The following THSD7B variants were observed in gnomAD, a reference collection of about 807,000 sequenced individuals.
THSD7B encodes the protein thrombospondin type 1 domain containing 7B, also known as thrombospondin type-1 domain-containing protein 7B.
A neutral mutation model predicts 213.6 loss-of-function variants in THSD7B; 138 were observed. The observed-to-expected ratio is 0.65, with a 90% CI of 0.56 to 0.74. The LOEUF is 0.74. Ranked by LOEUF, THSD7B falls within the 30% of genes least tolerant of loss-of-function variation. The pLI is 0.00. For synonymous variants in THSD7B, 742 were observed against 687.0 expected, an observed-to-expected ratio of 1.08 and a Z score of -1.25; for missense variants, 1,931 against 1,991.5, an observed-to-expected ratio of 0.97 and a Z score of 0.58.
At chr2:137,272,445 C>G (rs1573925454) in intron 10 of THSD7B, 88 bp from the exon 11 acceptor site, 1 of 1,355,124 alleles carries the variant, frequency 7.4e-7, no homozygotes, top group Non-Finnish European at 9.8e-7. Context: ...TACTTTATCT[C>G]TCTCTCTTTT....
At chr2:137,373,279 T>C (rs1030994150) in intron 12 of THSD7B, among the ~76,000 whole-genome samples, 1 of 152,196 alleles carries the variant, frequency 6.6e-6, no homozygotes, top group Non-Finnish European at 1.5e-5. Flanking sequence ...CCACACTGAC[T>C]TCCACAATGG....
chr2:137,229,203 G>T lies in THSD7B; in HGVS notation c.1724-1841G>T, dbSNP rs140526300. Among the ~76,000 whole-genome samples, 541 of 152,250 alleles carry T rather than the reference G, an allele frequency of 3.6e-3. 8 individuals are homozygous for T. The highest frequency in any genetic ancestry group is 0.012 in the African/African-American group (512 of 41,548). On this transcript the variant is annotated intron_variant, in intron 7 of 27. Coordinates refer to ENST00000409968, the MANE Select transcript of THSD7B (RefSeq NM_001316349.2). ...CCTACAAATATCTTGTTCCTCAAAA[G>T]GTTTATTGCAAGACATAGCTTTAAA... is the stretch of plus-strand genomic sequence containing the variant.
intron 12 of THSD7B, among the ~76,000 whole-genome samples, chr2:137,304,674 G>T (rs1683702487): frequency 6.6e-6 from 1 of 151,924 alleles, no homozygotes. Context: ...AGAAAACTCT[G>T]TTCTATTAAT....
rs1028515917 is a variant in THSD7B, at chr2:137,090,479, A to G, written c.951-4394A>G. ...GTAGTTTACCGCTGATTTTTATTTT[A>G]TAAGAGCTTCTGCCCATATTTGTAA... On this transcript the variant is annotated intron_variant, in intron 3 of 27. Transcript: ENST00000409968. 9.2e-5 allele frequency among the ~76,000 whole-genome samples: 14 copies of G among 152,290 alleles called. 1 individual carries two copies. In the South Asian group the frequency reaches 2.9e-3, roughly 32 times the overall value.
chr2:137,516,581 A>G (rs536277608), intron 15 of THSD7B, among the ~76,000 whole-genome samples: 20 of 152,320 alleles, frequency 1.3e-4, no homozygotes, highest in Non-Finnish European at 2.5e-4. Context: ...GTGGTTCTCC[A>G]GTTAAAGTAG....
At chr2:136,881,258 C>G (rs932609643) in intron 1 of THSD7B, among the ~76,000 whole-genome samples, 1 of 152,106 alleles carries the variant, frequency 6.6e-6, no homozygotes, top group African/African-American at 2.4e-5. Flanking sequence ...CATCCCTTGC[C>G]CTGCTTTGGA....
intron 5 of THSD7B, among the ~76,000 whole-genome samples, chr2:137,135,270 CT>C (rs1002443559): frequency 1.3e-5 from 2 of 152,154 alleles, no homozygotes; most frequent in South Asian, 4.1e-4. Context: ...TCTTAGCTTT[CT>C]TTAGCATTTA....
intron 14 of THSD7B, among the ~76,000 whole-genome samples, chr2:137,448,159 G>A (rs1216947148): frequency 6.6e-6 from 1 of 152,234 alleles, no homozygotes; most frequent in African/African-American, 2.4e-5. Context: ...TGAAGATAGA[G>A]TACTTATTAA....
intron 14 of THSD7B, 35 bp downstream of exon 14, chr2:137,411,907 A>C (rs1361832406): frequency 6.2e-7 from 1 of 1,607,216 alleles, no homozygotes; most frequent in Admixed American, 1.7e-5. Flanking sequence ...AGATGAGAAC[A>C]CTCACACACA....
intron 7 of THSD7B, among the ~76,000 whole-genome samples, chr2:137,228,366 A>G (rs1349756018): frequency 6.6e-6 from 1 of 152,168 alleles, no homozygotes; most frequent in Non-Finnish European, 1.5e-5. Flanking sequence ...CTGAGATTTT[A>G]AAAAGTATTT....
At chr2:137,237,134 A>G (rs1000370143) in intron 9 of THSD7B, among the ~76,000 whole-genome samples, 2 of 147,808 alleles carry the variant, frequency 1.4e-5, no homozygotes, top group African/African-American at 2.5e-5. Flanking sequence ...AAAAAAAAAA[A>G]GCTGAAGCCT....
At chr2:137,358,824 A>T (rs1456151201) in intron 12 of THSD7B, among the ~76,000 whole-genome samples, 1 of 152,156 alleles carries the variant, frequency 6.6e-6, no homozygotes, top group Admixed American at 6.5e-5. Flanking sequence ...CCATGGCTTT[A>T]GTAGCTCTAC....
intron 5 of THSD7B, among the ~76,000 whole-genome samples, chr2:137,144,577 T>C (rs1384647779): frequency 6.6e-6 from 1 of 152,034 alleles, no homozygotes; most frequent in Non-Finnish European, 1.5e-5. Flanking sequence ...AGGCCTTTCA[T>C]TGTAGGTAGA....
Position 136,945,267 on chromosome 2 carries a change from T to C in THSD7B, c.139+62950T>C, listed in dbSNP as rs117033554. 1.2e-3 allele frequency among the ~76,000 whole-genome samples: 189 copies of C among 152,316 alleles called. 2 individuals are homozygous for C. The East Asian group carries it at 0.03, about 24-fold the overall frequency. ...AGACCCTTTCTTCCACTTGATGGAATTGGCTATTGAAGCTTGTGCATGTGT... is the reference window on the plus strand; with the variant it reads ...AGACCCTTTCTTCCACTTGATGGAACTGGCTATTGAAGCTTGTGCATGTGT... On this transcript the variant is annotated intron_variant, in intron 2 of 27. Transcript: ENST00000409968.
chr2:137,532,179 A>T (rs192553733), intron 15 of THSD7B, among the ~76,000 whole-genome samples: 165 of 152,094 alleles, frequency 1.1e-3, no homozygotes, highest in Admixed American at 7.0e-3. Context: ...CAATTACTTT[A>T]GGACAATTCT....
intron 7 of THSD7B, among the ~76,000 whole-genome samples, chr2:137,183,806 T>G (rs373709045): frequency 2.0e-5 from 3 of 152,206 alleles, no homozygotes; most frequent in African/African-American, 7.2e-5. Context: ...CTATGGAAAA[T>G]CAATTTCTTT....
At chr2:137,024,816 A>C (rs1686515395) in intron 2 of THSD7B, among the ~76,000 whole-genome samples, 1 of 152,076 alleles carries the variant, frequency 6.6e-6, no homozygotes, top group Non-Finnish European at 1.5e-5. Context: ...TATAATTATC[A>C]TTGGCTCCTC....
intron 15 of THSD7B, among the ~76,000 whole-genome samples, chr2:137,539,142 T>G (rs1680561031): frequency 6.6e-6 from 1 of 151,756 alleles, no homozygotes. Context: ...GAAATATTAT[T>G]GGTCATATAA....
At chr2:137,229,184 A>G (rs1446606928) in intron 7 of THSD7B, among the ~76,000 whole-genome samples, 1 of 152,200 alleles carries the variant, frequency 6.6e-6, no homozygotes, top group Non-Finnish European at 1.5e-5. Context: ...AACCCCTACA[A>G]ATATCTTGTT....
Sources: gnomAD v4.1 joint callset for allele counts (sites outside exome capture counted in the v4.1 genomes callset) on GRCh38, gnomAD v4.1.1 for gene constraint, MANE v1.5 for transcripts, NCBI Gene and HGNC (gene_info 2026-07-23, HGNC 2026-07-21) for gene names.